Variants in PREX1 observed in about 807,000 individuals in gnomAD.
PREX1 encodes phosphatidylinositol-3,4,5-trisphosphate dependent Rac exchange factor 1, also known as phosphatidylinositol 3,4,5-trisphosphate-dependent Rac exchanger 1 protein.
In PREX1, 41 loss-of-function variants were observed where a neutral mutation model predicts 198.3. The observed-to-expected ratio is 0.21, with a 90% CI of 0.16 to 0.27. The LOEUF (loss-of-function observed/expected upper bound fraction) is 0.27, where lower values mean the gene tolerates loss of function less well. Ranked by LOEUF, PREX1 falls within the 10% of genes least tolerant of loss-of-function variation. The pLI, the probability that PREX1 is intolerant of heterozygous loss-of-function variation, is 1.00. For missense variants in PREX1, 1,620 were observed against 2,200.7 expected (o/e 0.74, Z 5.28); for synonymous variants, 843 against 887.2 (o/e 0.95, Z 0.89).
the PREX1 span, among the ~76,000 whole-genome samples, chr20:48,861,024 C>T: frequency 6.6e-6 from 1 of 152,066 alleles, no homozygotes; most frequent in Non-Finnish European, 1.5e-5. Flanking sequence ...GCCCTGCCTC[C>T]TTCCTGGGGC....
chr20:48,722,764 C>CA (rs2089991733), intron 5 of PREX1, among the ~76,000 whole-genome samples: 1 of 152,214 alleles, frequency 6.6e-6, no homozygotes, highest in Admixed American at 6.5e-5. Flanking sequence ...ATGTCCCCTG[C>CA]AGTCAGCCCC....
In PREX1 at chr20:48,649,434, A is replaced by G; in HGVS notation, c.3171T>C (p.Leu1057=). The change falls in exon 25 of 40, where the codon CTT becomes CTC. Residue 1057 remains leucine, a synonymous_variant. Coordinates refer to ENST00000371941, the MANE Select transcript of PREX1 (RefSeq NM_020820.4). ...DGSFGPASGT[L]GQEDRGLSFL... ...AGCTGAGGCCCCGGTCTTCCTGACC[A>G]AGGGTCCCACTGGCTGGCCCGAAGC... is the stretch of plus-strand genomic sequence containing the variant. 6.2e-7 allele frequency: 1 copy of G among 1,614,144 alleles called. No individual in the cohort carries two copies. The highest frequency in any genetic ancestry group is 2.2e-5 in the East Asian group (1 of 44,884).
chr20:48,784,907 T>C (rs2090304980), intron 1 of PREX1, among the ~76,000 whole-genome samples: 1 of 151,726 alleles, frequency 6.6e-6, no homozygotes, highest in South Asian at 2.1e-4. Flanking sequence ...ATCATTTCTA[T>C]TTCTTTCTCT....
rs577000563 is a variant in PREX1, at chr20:48,745,690, T to C, written c.292-543A>G. The stretch of plus-strand genomic sequence containing the variant: ...CTCACAAACAATATATGAGATACCC[T>C]GTTTCCCCACATCAATCTAAAAGTG... On this transcript the variant is annotated intron_variant, in intron 2 of 39. Transcript: ENST00000371941. Among the ~76,000 whole-genome samples the C allele has an allele frequency of 2.0e-5, 3 of 152,368 alleles. 1 individual carries two copies. In the South Asian group the frequency reaches 6.2e-4, roughly 32 times the overall value.
At chr20:48,656,239 C>T (rs981666617) in intron 18 of PREX1, among the ~76,000 whole-genome samples, 1 of 152,282 alleles carries the variant, frequency 6.6e-6, no homozygotes, top group East Asian at 1.9e-4. Flanking sequence ...CTTTGCTCCC[C>T]GGTACCTACC....
chr20:48,641,799 CAAGA>C (rs200336495), intron 29 of PREX1, among the ~76,000 whole-genome samples: 88 of 116,816 alleles, frequency 7.5e-4, no homozygotes, highest in African/African-American at 2.1e-3. Flanking sequence ...CTCCAAAAAA[CAAGA>C]AAGAAAGAAA....
chr20:48,862,780 T>TAAAAAAAAAAAAAAAAAAAAAAAAAAAA, the PREX1 span, among the ~76,000 whole-genome samples: 2 of 99,260 alleles, frequency 2.0e-5, no homozygotes, highest in Admixed American at 1.0e-4. Context: ...TAAAAAAGCC[T>TAAAAAAAAAAAAAAAAAAAAAAAAAAAA]AAAAAAAAAA....
At chr20:48,761,165 T>A (rs1293197935) in intron 1 of PREX1, among the ~76,000 whole-genome samples, 1 of 152,342 alleles carries the variant, frequency 6.6e-6, no homozygotes, top group East Asian at 1.9e-4. Flanking sequence ...CACAGCATCA[T>A]GGGCAGGGTC....
At chr20:48,787,359 C>T (rs2090317683) in intron 1 of PREX1, among the ~76,000 whole-genome samples, 1 of 151,736 alleles carries the variant, frequency 6.6e-6, no homozygotes, top group Non-Finnish European at 1.5e-5. Context: ...TCATAAAGGT[C>T]CTTTATAAAC....
At chr20:48,738,470 C>G (rs550117241) in intron 3 of PREX1, among the ~76,000 whole-genome samples, 1 of 152,226 alleles carries the variant, frequency 6.6e-6, no homozygotes, top group African/African-American at 2.4e-5. Flanking sequence ...TTCAATCACG[C>G]CTGTGTCCTT....
the PREX1 span, among the ~76,000 whole-genome samples, chr20:48,852,572 G>A: frequency 6.6e-6 from 1 of 152,180 alleles, no homozygotes; most frequent in Admixed American, 6.5e-5. Flanking sequence ...TGCAGATCCT[G>A]ATGGAGCAGA....
At chr20:48,633,074 G>A (rs1422939801) in intron 33 of PREX1, among the ~76,000 whole-genome samples, 1 of 152,234 alleles carries the variant, frequency 6.6e-6, no homozygotes, top group Admixed American at 6.5e-5. Flanking sequence ...TTCATAGCCA[G>A]AAGGAAGCGC....
Position 48,700,881 on chromosome 20 carries a change from G to C in PREX1, c.789C>G (p.Ser263=). 1 of 1,614,162 alleles carries C rather than the reference G, an allele frequency of 6.2e-7. No homozygotes were observed. The highest frequency in any genetic ancestry group is 1.3e-5 in the African/African-American group (1 of 75,048). The change falls in exon 7 of 40, where the codon TCC becomes TCG. Residue 263 remains serine, a synonymous_variant. Transcript: ENST00000371941. Reference sequence around the variant, plus strand: ...GCTGAGTGCAGATGTCTGTGAGGTTGGAACCCTGGAAGCGCAATGAGGACA... The same window carrying C: ...GCTGAGTGCAGATGTCTGTGAGGTTCGAACCCTGGAAGCGCAATGAGGACA... ...LQSHIEGWEG[S]NLTDICTQLL...
At chr20:48,677,907 A>G (rs773417992) in intron 13 of PREX1, among the ~76,000 whole-genome samples, 62 of 152,140 alleles carry the variant, frequency 4.1e-4, no homozygotes, top group Non-Finnish European at 6.2e-4. Flanking sequence ...AATCGCTTGA[A>G]TCCAGGAGGC....
chr20:48,802,764 A>G (rs1224762815), intron 1 of PREX1, among the ~76,000 whole-genome samples: 1 of 152,206 alleles, frequency 6.6e-6, no homozygotes, highest in Non-Finnish European at 1.5e-5. Flanking sequence ...CAGCATGAAG[A>G]CAGCAGAAAA....
chr20:48,637,401 T>G (rs1406743430), intron 31 of PREX1, among the ~76,000 whole-genome samples: 1 of 152,220 alleles, frequency 6.6e-6, no homozygotes, highest in Admixed American at 6.5e-5. Context: ...CACTCTCTGC[T>G]GGGTGGAAGC....
chr20:48,648,633 T>C (rs1019874594), intron 25 of PREX1, among the ~76,000 whole-genome samples: 18 of 152,170 alleles, frequency 1.2e-4, no homozygotes, highest in African/African-American at 4.3e-4. Context: ...CCTCCCCACA[T>C]GGACGTGCTA....
chr20:48,839,119 A>G, the PREX1 span, among the ~76,000 whole-genome samples: 2 of 151,560 alleles, frequency 1.3e-5, no homozygotes, highest in Admixed American at 6.6e-5. Flanking sequence ...CATTTCCCCA[A>G]TTTTCTGCCA....
At chr20:48,732,425 G>A (rs760385083) in intron 4 of PREX1, among the ~76,000 whole-genome samples, 60 of 152,198 alleles carry the variant, frequency 3.9e-4, no homozygotes, top group Non-Finnish European at 6.8e-4. Flanking sequence ...TTCATACTCC[G>A]TATGCTATGT....
Sources: gnomAD v4.1 joint callset for allele counts (sites outside exome capture counted in the v4.1 genomes callset) on GRCh38, gnomAD v4.1.1 for gene constraint, MANE v1.5 for transcripts, NCBI Gene and HGNC (gene_info 2026-07-23, HGNC 2026-07-21) for gene names.